Variants in SFSWAP observed in about 807,000 individuals in gnomAD.
The protein encoded by SFSWAP is splicing factor, suppressor of white-apricot homolog.
SFSWAP carries 17 observed loss-of-function variants against 100.7 expected under a neutral mutation model. The observed-to-expected ratio is 0.17, with a 90% CI of 0.12 to 0.25. The LOEUF is 0.25. Among genes scored for constraint, SFSWAP ranks in the 10% least tolerant of loss-of-function variants. The pLI is 1.00. For synonymous variants in SFSWAP, 504 were observed against 510.1 expected (o/e 0.99, Z 0.16); for missense variants, 1,005 against 1,262.6 (o/e 0.80, Z 3.09).
At chr12:131,764,790 C>G in intron 12 of SFSWAP, 104 bp downstream of exon 12, 3 of 798,952 alleles carry the variant, frequency 3.8e-6, no homozygotes, top group South Asian at 1.8e-5. Flanking sequence ...GAATCTGAAG[C>G]CTTTGGAAAT....
rs1173630720 is a variant in SFSWAP, at chr12:131,754,513, T to A, written c.1454+14T>A. The stretch of plus-strand genomic sequence containing the variant: ...GAATGATCAAAGGTCAGAAGAAGAA[T>A]TTTATATGTTAGGTATATGGCATTT... On this transcript the variant is annotated intron_variant, in intron 9 of 17. Transcript: ENST00000261674. 3.2e-6 allele frequency: 5 copies of A among 1,551,986 alleles called. No homozygotes were observed. Among genetic ancestry groups the A allele is most frequent in the Non-Finnish European group, 3.5e-6 (4 of 1,148,474 alleles).
intron 10 of SFSWAP, among the ~76,000 whole-genome samples, chr12:131,756,020 A>G (rs934537247): frequency 3.9e-5 from 6 of 152,206 alleles, no homozygotes; most frequent in African/African-American, 1.2e-4. Flanking sequence ...TCTCAGTTAT[A>G]TAGACACCCT....
chr12:131,714,341 T>C lies in SFSWAP; in HGVS notation c.388+101T>C. ...ATTTTTTTATACTCACTCTTTCTGA[T>C]ATTATCTTGACAGTACCCAGTGGAT... On this transcript the variant is annotated intron_variant, in intron 2 of 17. Coordinates refer to ENST00000261674, the MANE Select transcript of SFSWAP (RefSeq NM_004592.4). This position sits in a 1 kb window ranked among gnomAD's most constrained non-coding sequence, Gnocchi z 6.0. 1 of 1,004,620 alleles carries C rather than the reference T, an allele frequency of 1.0e-6. No homozygotes were observed. Among genetic ancestry groups the C allele is most frequent in the Non-Finnish European group, 1.5e-6 (1 of 684,670 alleles). 62.2% of individuals were successfully genotyped at this position (1,004,620 alleles called of 1,614,324 possible).
In SFSWAP at chr12:131,799,122, GC is replaced by G. The variant is rs1326283581; in HGVS notation, c.2790+19del. On this transcript the variant is annotated intron_variant, in intron 17 of 17. Coordinates refer to ENST00000261674, the MANE Select transcript of SFSWAP (RefSeq NM_004592.4). ...CAAAATCACTCAGGTCAGTGGGCAC[GC>G]CCCCCTCCCGCTCCCAGCCTTTCAT... The G allele has an allele frequency of 2.5e-6, 4 of 1,605,070 alleles. No homozygotes were observed. Among genetic ancestry groups the G allele is most frequent in the South Asian group, 1.1e-5 (1 of 90,836 alleles).
At chr12:131,749,147 A>G (rs762973511) in intron 7 of SFSWAP, among the ~76,000 whole-genome samples, 8 of 152,198 alleles carry the variant, frequency 5.3e-5, no homozygotes, top group Non-Finnish European at 1.0e-4. Context: ...AGGTGCCCTG[A>G]GCACATTTAA....
intron 11 of SFSWAP, among the ~76,000 whole-genome samples, chr12:131,759,274 A>G (rs1464446936): frequency 1.3e-5 from 2 of 152,216 alleles, no homozygotes; most frequent in Non-Finnish European, 2.9e-5. Context: ...TAGACCTGAA[A>G]GAATTTTGAA....
chr12:131,779,819 T>A (rs1884355382), intron 14 of SFSWAP, among the ~76,000 whole-genome samples: 1 of 152,260 alleles, frequency 6.6e-6, no homozygotes, highest in Non-Finnish European at 1.5e-5. Context: ...GAGTTTTTGC[T>A]CTTGTTTCCC....
In SFSWAP at chr12:131,733,692, A is replaced by G. The variant is rs1210399896; in HGVS notation, c.1081+5264A>G. ...CCCGGAAGGAAACAGCAGTCCATAC[A>G]GTCCCCTCAGGACAGGCACAGAGGA... On this transcript the variant is annotated intron_variant, in intron 7 of 17. Coordinates refer to ENST00000261674, the MANE Select transcript of SFSWAP (RefSeq NM_004592.4). This position sits in a 1 kb window ranked among gnomAD's most constrained non-coding sequence, Gnocchi z 5.1. Among the ~76,000 whole-genome samples the G allele has an allele frequency of 6.6e-6, 1 of 151,888 alleles. No homozygotes were observed. The highest frequency in any genetic ancestry group is 2.4e-5 in the African/African-American group (1 of 41,374).
At chr12:131,746,005 TAAAC>T (rs946912917) in intron 7 of SFSWAP, among the ~76,000 whole-genome samples, 4 of 152,156 alleles carry the variant, frequency 2.6e-5, no homozygotes, top group African/African-American at 9.7e-5. Flanking sequence ...TAAATGGAAA[TAAAC>T]AAACATCGGT....
rs542055892 is a variant in SFSWAP, at chr12:131,792,961, G to T, written c.2535-4217G>T. 1.5e-3 allele frequency among the ~76,000 whole-genome samples: 231 copies of T among 152,224 alleles called. 1 individual carries two copies. The highest frequency in any genetic ancestry group is 5.3e-3 in the African/African-American group (219 of 41,518). ...AAAGCTACAGTAACCAAGGCAGTGT[G>T]GTGTCAGCATGAGGATACAATAGAG... is the stretch of plus-strand genomic sequence containing the variant. On this transcript the variant is annotated intron_variant, in intron 15 of 17. Transcript: ENST00000261674.
In SFSWAP at chr12:131,734,939, G is replaced by A. The variant is rs544945538; in HGVS notation, c.1081+6511G>A. The stretch of plus-strand genomic sequence containing the variant: ...GGGGCAGTGAGGGGGGGCCCGCTCC[G>A]AGAGACAGACAGGTCAGGCCGGAAG... On this transcript the variant is annotated intron_variant, in intron 7 of 17. Coordinates refer to ENST00000261674, the MANE Select transcript of SFSWAP (RefSeq NM_004592.4). This position sits in a 1 kb window ranked among gnomAD's most constrained non-coding sequence, Gnocchi z 4.9. Among the ~76,000 whole-genome samples, 8 of 152,204 alleles carry A rather than the reference G, an allele frequency of 5.3e-5. No individual in the cohort carries two copies. The highest frequency in any genetic ancestry group is 7.3e-5 in the Non-Finnish European group (5 of 68,042).
rs758011514 is a variant in SFSWAP at position 131,786,577 on chromosome 12, G to T, written c.2523G>T (p.Arg841=). 1 of 1,590,138 alleles carries T rather than the reference G, an allele frequency of 6.3e-7. No homozygotes were observed. The highest frequency in any genetic ancestry group is 1.1e-5 in the South Asian group (1 of 87,210). Residue 841 remains arginine (R), a synonymous_variant, in exon 15 of 18, where the codon CGG becomes CGT. Transcript: ENST00000261674. ...VSRSPGASRK[R]TRSRSPHEKK... is the part of the protein sequence containing the mutation. ...GCAGCCCTGGGGCCAGTAGGAAGCGGACCCGCTCCAGGTAGGCCACTGGGT... is the reference window on the plus strand; with the variant it reads ...GCAGCCCTGGGGCCAGTAGGAAGCGTACCCGCTCCAGGTAGGCCACTGGGT...
At chr12:131,783,792 T>TATATATATATATATATATATATA (rs1884672091) in intron 14 of SFSWAP, 2 of 86,684 alleles carry the variant, frequency 2.3e-5, no homozygotes, top group Non-Finnish European at 2.4e-5. Context: ...AAAAAACATT[T>TATATATATATATATATATATATA]TATATATATA....
chr12:131,764,358 T>G (rs1339854670), intron 11 of SFSWAP, 98 bp from the exon 12 acceptor site: 2 of 901,428 alleles, frequency 2.2e-6, no homozygotes, highest in Non-Finnish European at 3.5e-6. Flanking sequence ...TCCATGCTAG[T>G]CATCCCCTTC....
chr12:131,728,846 C>T lies in SFSWAP; in HGVS notation c.1081+418C>T, dbSNP rs61327641. 4.9e-3 allele frequency among the ~76,000 whole-genome samples: 749 copies of T among 152,152 alleles called. 4 individuals are homozygous for T. Among genetic ancestry groups the T allele is most frequent in the African/African-American group, 0.017 (687 of 41,504 alleles). On this transcript the variant is annotated intron_variant, in intron 7 of 17. Coordinates refer to ENST00000261674, the MANE Select transcript of SFSWAP (RefSeq NM_004592.4). ...TCTCTAGTAGGTGGGACTACAAGCACGATAACACTGGGCTAATTTTGATTT... is the reference window on the plus strand; with the variant it reads ...TCTCTAGTAGGTGGGACTACAAGCATGATAACACTGGGCTAATTTTGATTT...
At chr12:131,723,965 G>A (rs557247256) in intron 4 of SFSWAP, among the ~76,000 whole-genome samples, 67 of 152,298 alleles carry the variant, frequency 4.4e-4, no homozygotes, top group African/African-American at 1.5e-3. Flanking sequence ...AAATCTCATT[G>A]TGTAGTAGGA....
chr12:131,765,993 G>A (rs1320947536), intron 12 of SFSWAP, 125 bp from the exon 13 acceptor site: 2 of 892,102 alleles, frequency 2.2e-6, no homozygotes, highest in Non-Finnish European at 3.4e-6. Context: ...TTTGTCCAAT[G>A]TATGTACCTA....
chr12:131,711,183 G>A lies in SFSWAP; in HGVS notation c.-47G>A. 1.4e-6 allele frequency: 2 copies of A among 1,468,254 alleles called. No individual in the cohort carries two copies. Among genetic ancestry groups the A allele is most frequent in the Non-Finnish European group, 1.8e-6 (2 of 1,095,900 alleles). The allele number at this position is 1,468,254 out of a possible 1,614,324, so 91.0% of individuals were successfully genotyped here. On this transcript the variant is annotated 5_prime_UTR_variant, in exon 1 of 18. Coordinates refer to ENST00000261674, the MANE Select transcript of SFSWAP (RefSeq NM_004592.4). The surrounding 1 kb of genome is among the most constrained non-coding windows in gnomAD (Gnocchi z 4.9). ...TAGGCCAAGTGGAGGTATCAGGGAC[G>A]TCGCGCGGCACAGAAGAGGACCAGC...
intron 3 of SFSWAP, among the ~76,000 whole-genome samples, chr12:131,715,206 A>C (rs945199987): frequency 6.6e-5 from 10 of 152,354 alleles, no homozygotes; most frequent in African/African-American, 2.4e-4. Context: ...TTACTCATTC[A>C]GGATTATTTG....
Sources: gnomAD v4.1 joint callset for allele counts (sites outside exome capture counted in the v4.1 genomes callset) on GRCh38, gnomAD v4.1.1 for gene constraint, Gnocchi (gnomAD v3.1) non-coding constraint, MANE v1.5 for transcripts, NCBI Gene and HGNC (gene_info 2026-07-23, HGNC 2026-07-21) for gene names.